KIAA1549L: variants seen among roughly 807,000 people sequenced by gnomAD.
KIAA1549L encodes UPF0606 protein KIAA1549L.
KIAA1549L carries 88 observed loss-of-function variants against 160.7 expected under a neutral mutation model. The observed-to-expected ratio is 0.55, with a 90% CI of 0.46 to 0.65. KIAA1549L has a LOEUF of 0.65. KIAA1549L is among the 30% of genes least tolerant of loss of function. KIAA1549L has a pLI of 0.00. For missense variants in KIAA1549L, 2,258 were observed against 2,437.5 expected (o/e 0.93, Z 1.55); for synonymous variants, 950 against 976.7 (o/e 0.97, Z 0.51).
At chr11:33,517,787 C>A (rs1032158690) in intron 1 of KIAA1549L, among the ~76,000 whole-genome samples, 1 of 152,050 alleles carries the variant, frequency 6.6e-6, no homozygotes, top group Admixed American at 6.5e-5. Flanking sequence ...GGTAAAAGGG[C>A]TCAGGCTCTT....
intron 16 of KIAA1549L, among the ~76,000 whole-genome samples, chr11:33,630,676 T>G (rs1851260348): frequency 6.6e-6 from 1 of 152,246 alleles, no homozygotes; most frequent in African/African-American, 2.4e-5. Context: ...CTGCGCCCAC[T>G]GTCTGGCACT....
rs74848581 is a variant in KIAA1549L at position 33,509,359 on chromosome 11, C to T, written c.239-32443C>T. ...TCCCTGCTTATTCTCATTCCTTACT[C>T]CATTACCAAAAAACCCAGCTTAGTT... On this transcript the variant is annotated intron_variant, in intron 1 of 20. Coordinates refer to ENST00000658780, the MANE Select transcript of KIAA1549L (RefSeq NM_012194.3). 1.6e-3 allele frequency among the ~76,000 whole-genome samples: 243 copies of T among 152,310 alleles called. 1 individual carries two copies. Among genetic ancestry groups the T allele is most frequent in the African/African-American group, 5.6e-3 (232 of 41,562 alleles).
intron 1 of KIAA1549L, among the ~76,000 whole-genome samples, chr11:33,532,353 A>AT (rs1380935133): frequency 1.3e-5 from 2 of 152,234 alleles, no homozygotes; most frequent in Non-Finnish European, 2.9e-5. Flanking sequence ...CAAAACTTTG[A>AT]TGGCATCTAT....
chr11:33,651,718 A>G (rs973097172), intron 17 of KIAA1549L, among the ~76,000 whole-genome samples: 23 of 152,062 alleles, frequency 1.5e-4, no homozygotes, highest in Non-Finnish European at 2.9e-4. Flanking sequence ...AGAGACCAGC[A>G]TGCACTGGGG....
intron 1 of KIAA1549L, among the ~76,000 whole-genome samples, chr11:33,522,096 A>T (rs1853508684): frequency 6.6e-6 from 1 of 152,206 alleles, no homozygotes; most frequent in Admixed American, 6.5e-5. Flanking sequence ...CACTAAAGGC[A>T]AGTAAACTAT....
intron 6 of KIAA1549L, among the ~76,000 whole-genome samples, chr11:33,556,936 C>T (rs1391040214): frequency 6.6e-6 from 1 of 152,172 alleles, no homozygotes; most frequent in East Asian, 1.9e-4. Flanking sequence ...TACAGAGGCA[C>T]CCACATTGCA....
chr11:33,477,075 C>A (rs559785440), intron 1 of KIAA1549L, among the ~76,000 whole-genome samples: 1 of 152,126 alleles, frequency 6.6e-6, no homozygotes, highest in East Asian at 1.9e-4. Context: ...AACTCATGGT[C>A]AGTGCTTGAT....
At chr11:33,430,338 G>A (rs1851213546) in intron 1 of KIAA1549L, among the ~76,000 whole-genome samples, 1 of 147,800 alleles carries the variant, frequency 6.8e-6, no homozygotes, top group African/African-American at 2.5e-5. Flanking sequence ...ACTCTTTTCT[G>A]TAATAAGTCA....
intron 1 of KIAA1549L, among the ~76,000 whole-genome samples, chr11:33,527,882 G>A (rs1853649586): frequency 6.6e-6 from 1 of 152,174 alleles, no homozygotes; most frequent in Admixed American, 6.5e-5. Context: ...ATCTTGAATT[G>A]TAGCTCCTAT....
chr11:33,435,136 G>C (rs138827257), intron 1 of KIAA1549L, among the ~76,000 whole-genome samples: 3,689 of 152,258 alleles, frequency 0.024, 71 homozygotes, highest in Non-Finnish European at 0.034. Context: ...CAGGATTTTT[G>C]TATTTCAGCC....
intron 1 of KIAA1549L, among the ~76,000 whole-genome samples, chr11:33,467,179 A>G (rs1050925324): frequency 3.3e-5 from 5 of 152,084 alleles, no homozygotes; most frequent in Admixed American, 6.6e-5. Context: ...ATTGACCTGC[A>G]CTTGACATGT....
intron 12 of KIAA1549L, among the ~76,000 whole-genome samples, chr11:33,597,854 C>A (rs117587902): frequency 1.3e-5 from 2 of 152,302 alleles, no homozygotes; most frequent in East Asian, 3.9e-4. Context: ...AGGACTGATT[C>A]GCCACTTTCC....
intron 19 of KIAA1549L, among the ~76,000 whole-genome samples, chr11:33,659,469 CCA>C (rs1484378464): frequency 6.6e-6 from 1 of 152,122 alleles, no homozygotes; most frequent in African/African-American, 2.4e-5. Flanking sequence ...CTATGATAAG[CCA>C]CAGTTTAGAC....
intron 20 of KIAA1549L, among the ~76,000 whole-genome samples, chr11:33,664,735 C>A (rs546292345): frequency 3.3e-5 from 5 of 152,162 alleles, no homozygotes; most frequent in African/African-American, 1.2e-4. Flanking sequence ...CAGAATCTGC[C>A]GGCACTTTGA....
At chr11:33,520,574 T>G (rs1033333869) in intron 1 of KIAA1549L, among the ~76,000 whole-genome samples, 2 of 152,006 alleles carry the variant, frequency 1.3e-5, no homozygotes, top group Non-Finnish European at 2.9e-5. Flanking sequence ...AAACAATAGC[T>G]ACACATGCTG....
chr11:33,561,595 C>T (rs1854860510), intron 7 of KIAA1549L, 81 bp from the exon 8 acceptor site: 1 of 1,115,408 alleles, frequency 9.0e-7, no homozygotes, highest in Non-Finnish European at 1.4e-6. Context: ...ATCAAGATCC[C>T]ATCTCAAATA....
chr11:33,617,468 G>A (rs994143079), intron 15 of KIAA1549L, among the ~76,000 whole-genome samples: 3 of 152,190 alleles, frequency 2.0e-5, no homozygotes, highest in South Asian at 4.1e-4. Flanking sequence ...GTCCCTGAAT[G>A]TGCCACTCCC....
intron 13 of KIAA1549L, among the ~76,000 whole-genome samples, chr11:33,606,383 G>A (rs746535478): frequency 6.6e-6 from 1 of 152,074 alleles, no homozygotes; most frequent in Non-Finnish European, 1.5e-5. Flanking sequence ...TTGAAAGAAT[G>A]GTTCTTACTG....
intron 1 of KIAA1549L, among the ~76,000 whole-genome samples, chr11:33,382,806 G>T (rs2134034122): frequency 6.6e-6 from 1 of 152,212 alleles, no homozygotes; most frequent in South Asian, 2.1e-4. Flanking sequence ...GTAGGGAGGA[G>T]TCCCTGGCAC....
Sources: gnomAD v4.1 joint callset for allele counts (sites outside exome capture counted in the v4.1 genomes callset) on GRCh38, gnomAD v4.1.1 for gene constraint, MANE v1.5 for transcripts, NCBI Gene and HGNC (gene_info 2026-07-23, HGNC 2026-07-21) for gene names.